The following BNC2 variants were observed in gnomAD, a reference collection of about 807,000 sequenced individuals.
BNC2 encodes basonuclin zinc finger protein 2.
In BNC2, 20 loss-of-function variants were observed where a neutral mutation model predicts 76.3. The ratio of observed to expected loss-of-function variants is 0.26; its 90% CI spans 0.18 to 0.38. The LOEUF is 0.38. BNC2 is among the 10% of genes least tolerant of loss of function. The pLI, the probability that BNC2 is intolerant of heterozygous loss-of-function variation, is 1.00. For missense variants in BNC2, 1,382 were observed against 1,399.8 expected (o/e 0.99, Z 0.20); for synonymous variants, 582 against 514.8 (o/e 1.13, Z -1.77).
At chr9:16,728,122 T>C in intron 2 of BNC2, 125 bp from the exon 3 acceptor site, 2 of 549,668 alleles carry the variant, frequency 3.6e-6, no homozygotes, top group East Asian at 4.8e-5. Context: ...AGGGAGGGGG[T>C]CAGAGCTTCT....
chr9:16,628,361 G>C (rs187706100), intron 3 of BNC2, among the ~76,000 whole-genome samples: 7 of 152,288 alleles, frequency 4.6e-5, no homozygotes, highest in Admixed American at 1.3e-4. Flanking sequence ...TACAGTGGTA[G>C]GGAGAAAATC....
intron 1 of BNC2, among the ~76,000 whole-genome samples, chr9:16,796,025 C>G (rs1385142815): frequency 3.9e-5 from 6 of 152,188 alleles, no homozygotes; most frequent in Admixed American, 1.3e-4. Context: ...TTTACGCAGT[C>G]TCAAAGCTCT....
intron 5 of BNC2, among the ~76,000 whole-genome samples, chr9:16,471,164 T>G (rs1821815958): frequency 6.6e-6 from 1 of 152,200 alleles, no homozygotes; most frequent in East Asian, 1.9e-4. Flanking sequence ...TTGACTGCCC[T>G]GCTGGATTTC....
intron 3 of BNC2, among the ~76,000 whole-genome samples, chr9:16,723,099 C>T (rs936601575): frequency 1.8e-4 from 27 of 152,198 alleles, no homozygotes; most frequent in African/African-American, 2.4e-4. Context: ...AAACTGCATG[C>T]CTCTTAATAT....
intron 1 of BNC2, among the ~76,000 whole-genome samples, chr9:16,850,769 G>A (rs1819108865): frequency 1.3e-5 from 2 of 151,836 alleles, no homozygotes; most frequent in South Asian, 4.2e-4. Context: ...CTGCACTCCG[G>A]TCAGGGTGAC....
chr9:16,573,272 CA>C, intron 4 of BNC2, among the ~76,000 whole-genome samples: 1 of 150,364 alleles, frequency 6.7e-6, no homozygotes. Flanking sequence ...TAATTCAAGC[CA>C]AGATACAGAA....
intron 1 of BNC2, among the ~76,000 whole-genome samples, chr9:16,836,623 G>A (rs1286794236): frequency 6.6e-6 from 1 of 151,952 alleles, no homozygotes; most frequent in Non-Finnish European, 1.5e-5. Flanking sequence ...TTTGTCCCAG[G>A]TTCTAAGTGA....
chr9:16,749,972 C>T (rs78735264), intron 1 of BNC2, among the ~76,000 whole-genome samples: 3,449 of 152,050 alleles, frequency 0.023, 123 homozygotes, highest in African/African-American at 0.077. Context: ...GCTCTAAGAA[C>T]GAGGAATTTT....
At chr9:16,754,836 G>C (rs529107539) in intron 1 of BNC2, among the ~76,000 whole-genome samples, 15 of 152,330 alleles carry the variant, frequency 9.8e-5, no homozygotes, top group African/African-American at 3.6e-4. Context: ...GGGATTAGAG[G>C]TGTGAGCCAC....
chr9:16,649,751 C>G (rs1821739814), intron 3 of BNC2, among the ~76,000 whole-genome samples: 1 of 152,096 alleles, frequency 6.6e-6, no homozygotes, highest in Non-Finnish European at 1.5e-5. Context: ...CCAGATGATA[C>G]GTCAATAAAC....
chr9:16,793,868 G>GGTTTTTGTTTTTTTTT, intron 1 of BNC2, among the ~76,000 whole-genome samples: 1 of 115,908 alleles, frequency 8.6e-6, no homozygotes, highest in Non-Finnish European at 1.6e-5. Flanking sequence ...TTGTTTTTTT[G>GGTTTTTGTTTTTTTTT]TTTTTTTTTT....
chr9:16,794,615 G>GACAA (rs1255911269), intron 1 of BNC2, among the ~76,000 whole-genome samples: 2 of 152,084 alleles, frequency 1.3e-5, no homozygotes, highest in African/African-American at 4.8e-5. Context: ...TCCACCATTA[G>GACAA]ACAAACAAAG....
Position 16,436,614 on chromosome 9 carries a change from G to A in BNC2, c.1580C>T (p.Ser527Leu). ...GCCAGGGCTTGTGAGTGCCAGATTTGATTTTGTACTTGCTATGACAGGGGT... is the reference window on the plus strand; with the variant it reads ...GCCAGGGCTTGTGAGTGCCAGATTTAATTTTGTACTTGCTATGACAGGGGT... ...AATPVIASTK[S>L]NLALTSPGRP... Residue 527 changes from serine (S) to leucine (L), a missense_variant, in exon 6 of 7, where the codon TCA becomes TTA. By Grantham distance (145) the Ser-to-Leu change is moderately radical. Coordinates refer to ENST00000380672, the MANE Select transcript of BNC2 (RefSeq NM_017637.6). The A allele has an allele frequency of 1.9e-6, 3 of 1,614,114 alleles. No homozygotes were observed. Among genetic ancestry groups the A allele is most frequent in the Non-Finnish European group, 2.5e-6 (3 of 1,180,020 alleles).
In BNC2 at chr9:16,831,698, G is replaced by T. The variant is rs1158646647; in HGVS notation, c.3+38948C>A. The stretch of plus-strand genomic sequence containing the variant: ...GATACCCATATGAACAGATTTGGTG[G>T]TTGAACTCGACACACTTCTGTCCTT... On this transcript the variant is annotated intron_variant, in intron 1 of 6. Coordinates refer to ENST00000380672, the MANE Select transcript of BNC2 (RefSeq NM_017637.6). Among the ~76,000 whole-genome samples, 8 of 152,150 alleles carry T rather than the reference G, an allele frequency of 5.3e-5. No individual in the cohort carries two copies. In the East Asian group the frequency reaches 1.4e-3, roughly 26 times the overall value.
intron 1 of BNC2, among the ~76,000 whole-genome samples, chr9:16,776,226 C>T (rs1007991563): frequency 6.6e-6 from 1 of 152,098 alleles, no homozygotes; most frequent in Non-Finnish European, 1.5e-5. Context: ...CTGCAACCTT[C>T]GCCTCCTGGG....
At chr9:16,443,973 T>C (rs1821180574) in intron 5 of BNC2, among the ~76,000 whole-genome samples, 1 of 152,156 alleles carries the variant, frequency 6.6e-6, no homozygotes, top group Non-Finnish European at 1.5e-5. Flanking sequence ...AAAGTATACT[T>C]CAATGAAGTT....
At chr9:16,660,591 A>C (rs1161330458) in intron 3 of BNC2, among the ~76,000 whole-genome samples, 9 of 152,182 alleles carry the variant, frequency 5.9e-5, no homozygotes, top group Non-Finnish European at 1.3e-4. Flanking sequence ...ACAAAGCCAA[A>C]CTTTATTGGA....
At chr9:16,733,423 T>A (rs929777984) in intron 2 of BNC2, among the ~76,000 whole-genome samples, 1 of 152,098 alleles carries the variant, frequency 6.6e-6, no homozygotes, top group Admixed American at 6.5e-5. Flanking sequence ...AGAAAAGAAG[T>A]AAAACAATAA....
chr9:16,457,057 A>C (rs1821467234), intron 5 of BNC2, among the ~76,000 whole-genome samples: 1 of 152,150 alleles, frequency 6.6e-6, no homozygotes, highest in Admixed American at 6.5e-5. Flanking sequence ...TCTCTCCTTT[A>C]TCCCTCAGTT....
Sources: gnomAD v4.1 joint callset for allele counts (sites outside exome capture counted in the v4.1 genomes callset) on GRCh38, gnomAD v4.1.1 for gene constraint, MANE v1.5 for transcripts, NCBI Gene and HGNC (gene_info 2026-07-23, HGNC 2026-07-21) for gene names.